Variants in DHRSX observed in about 807,000 individuals in gnomAD.
DHRSX encodes the protein dehydrogenase/reductase X-linked.
Under a neutral mutation model 34.0 loss-of-function variants are expected in DHRSX, and 31 were observed. The observed-to-expected ratio is 0.91, with a 90% CI of 0.69 to 1.23. DHRSX has a LOEUF of 1.23. Among genes scored for constraint, DHRSX ranks in the 50% most tolerant of loss-of-function variants. The probability of loss-of-function intolerance (pLI) is 0.00; values close to 1 mark genes in which losing one functional copy is unlikely to be tolerated. For synonymous variants in DHRSX, 201 were observed against 183.8 expected, an observed-to-expected ratio of 1.09 and a Z score of -0.76; for missense variants, 414 against 428.1, an observed-to-expected ratio of 0.97 and a Z score of 0.29.
chrX:2,461,812 ACCTCTGCCT>A (rs1285672214), intron 1 of DHRSX, among the ~76,000 whole-genome samples: 1 of 151,764 alleles, frequency 6.6e-6, no homozygotes, highest in Non-Finnish European at 1.5e-5. Context: ...TGATCCTCCC[ACCTCTGCCT>A]CCTCAGTAGC....
At chrX:2,225,145 T>C (rs1390372267) in intron 6 of DHRSX, among the ~76,000 whole-genome samples, 1 of 143,350 alleles carries the variant, frequency 7.0e-6, no homozygotes, top group Non-Finnish European at 1.5e-5. Context: ...CTCATTCACA[T>C]GTACACACAT....
intron 1 of DHRSX, among the ~76,000 whole-genome samples, chrX:2,454,089 G>C (rs1221936234): frequency 6.6e-6 from 1 of 152,026 alleles, no homozygotes; most frequent in Non-Finnish European, 1.5e-5. Context: ...TGCATTTCCA[G>C]GCAGAAAGCA....
chrX:2,350,588 T>TA (rs1473121044), intron 3 of DHRSX, among the ~76,000 whole-genome samples: 1 of 151,988 alleles, frequency 6.6e-6, no homozygotes, highest in Non-Finnish European at 1.5e-5. Context: ...GAGAGGGACG[T>TA]AGGGAGATGC....
intron 6 of DHRSX, 76 bp from the exon 7 acceptor site, chrX:2,221,305 A>T: frequency 6.9e-7 from 1 of 1,447,880 alleles, no homozygotes; most frequent in Non-Finnish European, 9.5e-7. Context: ...ACTCACATGG[A>T]TGCTGCAGGG....
intron 3 of DHRSX, among the ~76,000 whole-genome samples, chrX:2,342,237 G>A (rs1209143200): frequency 1.3e-5 from 2 of 152,096 alleles, no homozygotes; most frequent in Non-Finnish European, 2.9e-5. Context: ...AATAAATGCT[G>A]AGATGAGAAT....
chrX:2,493,864 C>T (rs34643022), intron 1 of DHRSX, among the ~76,000 whole-genome samples: 19,857 of 151,932 alleles, frequency 0.13, 1,730 homozygotes, highest in East Asian at 0.5. Context: ...CCCAGCTACT[C>T]GGGAGGCTGA....
intron 6 of DHRSX, 69 bp from the exon 7 acceptor site, chrX:2,221,298 C>T (rs2015514819): frequency 2.0e-6 from 3 of 1,485,126 alleles, no homozygotes; most frequent in Non-Finnish European, 2.8e-6. Context: ...TCTCAGGACT[C>T]ACATGGATGC....
At chrX:2,418,646 C>T (rs755267798) in intron 2 of DHRSX, among the ~76,000 whole-genome samples, 3 of 152,240 alleles carry the variant, frequency 2.0e-5, no homozygotes, top group South Asian at 2.1e-4. Flanking sequence ...CTTTGTTCAA[C>T]CTTGAGGGTC....
At chrX:2,324,945 T>C (rs2042360220) in intron 3 of DHRSX, among the ~76,000 whole-genome samples, 1 of 62,648 alleles carries the variant, frequency 1.6e-5, no homozygotes. Context: ...ATTTTTGTTT[T>C]GTTTTTTTTT....
At chrX:2,437,458 T>C (rs111233408) in intron 1 of DHRSX, among the ~76,000 whole-genome samples, 1 of 151,932 alleles carries the variant, frequency 6.6e-6, no homozygotes. Flanking sequence ...ACAAAAATTA[T>C]CCAGGTGTGA....
At chrX:2,340,773 G>C (rs756997554) in intron 3 of DHRSX, among the ~76,000 whole-genome samples, 1 of 152,246 alleles carries the variant, frequency 6.6e-6, no homozygotes, top group South Asian at 2.1e-4. Context: ...AGGCTCGTGA[G>C]AGGAGACATC....
chrX:2,268,262 C>T (rs897109432), intron 4 of DHRSX, among the ~76,000 whole-genome samples: 28 of 152,166 alleles, frequency 1.8e-4, no homozygotes, highest in African/African-American at 6.5e-4. Context: ...GAAACACGCA[C>T]GAACCATACT....
chrX:2,267,253 G>A (rs2041487542), intron 4 of DHRSX, among the ~76,000 whole-genome samples: 2 of 152,260 alleles, frequency 1.3e-5, no homozygotes, highest in Non-Finnish European at 2.9e-5. Context: ...AGGCTGAGGC[G>A]GGTGGATCAC....
At chrX:2,346,634 G>C (rs1221647333) in intron 3 of DHRSX, among the ~76,000 whole-genome samples, 2 of 135,146 alleles carry the variant, frequency 1.5e-5, no homozygotes, top group African/African-American at 2.8e-5. Context: ...TAGGGATGTT[G>C]TATGAGTCTG....
At chrX:2,397,354 G>A (rs777033725) in intron 3 of DHRSX, among the ~76,000 whole-genome samples, 7 of 152,104 alleles carry the variant, frequency 4.6e-5, no homozygotes, top group South Asian at 2.1e-4. Context: ...GACTGCTGTC[G>A]AACTCCTGGC....
At chrX:2,409,229 T>A (rs2043596317) in intron 2 of DHRSX, among the ~76,000 whole-genome samples, 1 of 152,234 alleles carries the variant, frequency 6.6e-6, no homozygotes, top group Admixed American at 6.5e-5. Context: ...ACGATGCACG[T>A]GATCACAGAC....
intron 1 of DHRSX, among the ~76,000 whole-genome samples, chrX:2,431,328 A>C (rs910098206): frequency 6.7e-4 from 71 of 106,276 alleles, no homozygotes; most frequent in African/African-American, 2.3e-3. Context: ...CCATCTCACA[A>C]AAAAAAAAAA....
At chrX:2,369,695 G>A (rs759144095) in intron 3 of DHRSX, among the ~76,000 whole-genome samples, 11 of 152,124 alleles carry the variant, frequency 7.2e-5, no homozygotes, top group Admixed American at 3.9e-4. Flanking sequence ...GTAGAGACGG[G>A]GTTTCACCAT....
chrX:2,341,690 G>A (rs375587673), intron 3 of DHRSX, among the ~76,000 whole-genome samples: 1 of 41,686 alleles, frequency 2.4e-5, no homozygotes, highest in Non-Finnish European at 7.3e-5. Context: ...TAAAATAGAG[G>A]CACCATTCAA....
Sources: allele counts gnomAD v4.1 joint callset (sites outside exome capture counted in the v4.1 genomes callset), GRCh38; gene constraint gnomAD v4.1.1; transcripts MANE v1.5; gene names NCBI Gene and HGNC (gene_info 2026-07-23, HGNC 2026-07-21).